The following USP24 variants were observed in gnomAD, a reference collection of about 807,000 sequenced individuals.
USP24 encodes ubiquitin carboxyl-terminal hydrolase 24.
A neutral mutation model predicts 361.6 loss-of-function variants in USP24; 97 were observed. The observed-to-expected ratio is 0.27, with a 90% CI of 0.23 to 0.32. The LOEUF is 0.32. Among genes scored for constraint, USP24 ranks in the 10% least tolerant of loss-of-function variants. The probability of loss-of-function intolerance (pLI) is 1.00; values close to 1 mark genes in which losing one functional copy is unlikely to be tolerated. For synonymous variants in USP24, 1,098 were observed against 1,124.6 expected, an observed-to-expected ratio of 0.98 and a Z score of 0.47; for missense variants, 2,353 against 3,165.6, an observed-to-expected ratio of 0.74 and a Z score of 6.16.
At chr1:55,171,497 A>T in intron 5 of USP24, 59 bp downstream of exon 5, 1 of 1,535,916 alleles carries the variant, frequency 6.5e-7, no homozygotes, top group South Asian at 1.2e-5. Context: ...TTTATAGCAC[A>T]GAAAATCTTC....
rs1570559739 is a variant in USP24 at position 55,153,758 on chromosome 1, G to T, written c.1860+112C>A. On this transcript the variant is annotated intron_variant, in intron 16 of 67. Coordinates refer to ENST00000294383, the MANE Select transcript of USP24 (RefSeq NM_015306.3). ...AATTTTTAGACATCAAGTTTAATATGAACATTAAGAAACACTAAAACATAC... is the reference window on the plus strand; with the variant it reads ...AATTTTTAGACATCAAGTTTAATATTAACATTAAGAAACACTAAAACATAC... 2.6e-6 allele frequency: 3 copies of T among 1,168,042 alleles called. No individual in the cohort carries two copies. In the South Asian group the frequency reaches 4.5e-5, roughly 17 times the overall value. The allele number at this position is 1,168,042 out of a possible 1,614,324, so 72.4% of individuals were successfully genotyped here. A position where few individuals can be genotyped will look rare whatever the true frequency, so the allele number is the denominator to read the frequency against.
intron 10 of USP24, among the ~76,000 whole-genome samples, chr1:55,157,662 G>A (rs1000104225): frequency 6.6e-6 from 1 of 151,826 alleles, no homozygotes; most frequent in Non-Finnish European, 1.5e-5. Flanking sequence ...GAGAAACCCT[G>A]TCTCTACTAA....
intron 53 of USP24, 77 bp downstream of exon 53, chr1:55,092,744 G>C (rs1645410103): frequency 9.3e-7 from 1 of 1,077,986 alleles, no homozygotes; most frequent in East Asian, 2.7e-5. Flanking sequence ...GACTGAGGAT[G>C]AATCACTGAA....
chr1:55,120,875 A>G (rs1247791825), intron 37 of USP24, 119 bp from the exon 38 acceptor site: 2 of 1,262,924 alleles, frequency 1.6e-6, no homozygotes, highest in African/African-American at 3.0e-5. Flanking sequence ...GAAGGATACT[A>G]GAAAGGTATG....
intron 37 of USP24, 77 bp from the exon 38 acceptor site, chr1:55,120,833 A>C: frequency 7.0e-7 from 1 of 1,429,832 alleles, no homozygotes; most frequent in Non-Finnish European, 9.2e-7. Flanking sequence ...ATTTTCTTCC[A>C]AAGTCCAGCC....
At chr1:55,165,395 T>C (rs1388481793) in intron 7 of USP24, among the ~76,000 whole-genome samples, 1 of 152,110 alleles carries the variant, frequency 6.6e-6, no homozygotes, top group Non-Finnish European at 1.5e-5. Context: ...AAAATGAAGT[T>C]GATATGAACA....
intron 45 of USP24, among the ~76,000 whole-genome samples, chr1:55,099,435 G>A (rs1233193625): frequency 6.6e-6 from 1 of 152,076 alleles, no homozygotes; most frequent in Non-Finnish European, 1.5e-5. Context: ...GTGCACACCT[G>A]TGATCCCAGC....
At chr1:55,185,998 A>C (rs1644120577) in intron 1 of USP24, among the ~76,000 whole-genome samples, 2 of 152,198 alleles carry the variant, frequency 1.3e-5, no homozygotes, top group Non-Finnish European at 2.9e-5. Flanking sequence ...ACCAAAACTG[A>C]CTCAAGAAGA....
At chr1:55,070,351 C>G (rs146404058) in intron 67 of USP24, among the ~76,000 whole-genome samples, 18 of 152,268 alleles carry the variant, frequency 1.2e-4, no homozygotes, top group Non-Finnish European at 2.4e-4. Context: ...CAAACCTTTA[C>G]TGGTGGTCCA....
intron 26 of USP24, 67 bp from the exon 27 acceptor site, chr1:55,137,971 G>C (rs546069959): frequency 1.2e-5 from 17 of 1,442,608 alleles, no homozygotes; most frequent in Non-Finnish European, 1.6e-5. Context: ...AACTGTGAGT[G>C]AACATCTACT....
At chr1:55,169,598 A>G (rs762167900) in intron 5 of USP24, among the ~76,000 whole-genome samples, 3 of 152,208 alleles carry the variant, frequency 2.0e-5, no homozygotes, top group Non-Finnish European at 2.9e-5. Context: ...GACTTCTAAT[A>G]GAAGAACCAC....
intron 42 of USP24, 145 bp downstream of exon 42, chr1:55,103,731 A>G (rs1645699344): frequency 1.2e-6 from 1 of 803,046 alleles, no homozygotes; most frequent in Non-Finnish European, 1.9e-6. Context: ...TATAGCTTAT[A>G]CTTGATTTGA....
intron 9 of USP24, among the ~76,000 whole-genome samples, chr1:55,159,297 C>A (rs1648020891): frequency 6.6e-6 from 1 of 152,168 alleles, no homozygotes; most frequent in African/African-American, 2.4e-5. Flanking sequence ...CTTTAAACAA[C>A]TCTGGGTAAG....
At chr1:55,115,612 T>C (rs1249370350) in intron 38 of USP24, among the ~76,000 whole-genome samples, 1 of 151,544 alleles carries the variant, frequency 6.6e-6, no homozygotes, top group Non-Finnish European at 1.5e-5. Context: ...AGTGTGGCAA[T>C]TCCTTAAGGA....
chr1:55,174,507 A>G (rs1023089731), intron 3 of USP24, among the ~76,000 whole-genome samples: 4 of 152,252 alleles, frequency 2.6e-5, no homozygotes, highest in Non-Finnish European at 5.9e-5. Context: ...ACAGTTTTAC[A>G]GAAAAATGAC....
At chr1:55,149,776 T>C (rs1395594876) in intron 16 of USP24, among the ~76,000 whole-genome samples, 1 of 152,234 alleles carries the variant, frequency 6.6e-6, no homozygotes, top group Non-Finnish European at 1.5e-5. Flanking sequence ...CTTCTACCTA[T>C]CATTTTAGTT....
chr1:55,073,769 T>G, intron 64 of USP24, 59 bp downstream of exon 64: 2 of 1,455,994 alleles, frequency 1.4e-6, no homozygotes, highest in Non-Finnish European at 1.9e-6. Flanking sequence ...CCCCTTCTGC[T>G]CATATGTGAC....
intron 28 of USP24, among the ~76,000 whole-genome samples, chr1:55,134,616 T>A (rs1646683080): frequency 2.0e-5 from 3 of 152,188 alleles, no homozygotes; most frequent in African/African-American, 7.2e-5. Flanking sequence ...TAGCGTGTAT[T>A]ACTTGCTCTC....
intron 40 of USP24, 72 bp downstream of exon 40, chr1:55,107,167 C>A (rs1287641901): frequency 2.0e-6 from 3 of 1,481,610 alleles, no homozygotes; most frequent in Non-Finnish European, 2.7e-6. Context: ...CTTATTTTCC[C>A]ACTTACACAC....
Sources: allele counts gnomAD v4.1 joint callset (sites outside exome capture counted in the v4.1 genomes callset), GRCh38; gene constraint gnomAD v4.1.1; transcripts MANE v1.5; gene names NCBI Gene and HGNC (gene_info 2026-07-23, HGNC 2026-07-21).